Variants in RNF138 observed in about 807,000 individuals in gnomAD.
The protein encoded by RNF138 is ring finger protein 138, also known as E3 ubiquitin-protein ligase RNF138.
RNF138 carries 12 observed loss-of-function variants against 31.0 expected under a neutral mutation model. The observed-to-expected ratio is 0.39, with a 90% CI of 0.25 to 0.63. The LOEUF is 0.63. Ranked by LOEUF, RNF138 falls within the 20% of genes least tolerant of loss-of-function variation. The probability of loss-of-function intolerance (pLI) is 0.52; values close to 1 mark genes in which losing one functional copy is unlikely to be tolerated. For synonymous variants in RNF138, 105 were observed against 99.5 expected (o/e 1.06, Z -0.33); for missense variants, 192 against 300.1 (o/e 0.64, Z 2.66).
intron 2 of RNF138, among the ~76,000 whole-genome samples, chr18:32,101,965 C>CTT (rs2039948209): frequency 6.6e-6 from 1 of 152,016 alleles, no homozygotes. Context: ...CAGCCTCAAC[C>CTT]TCCTAGGCTT....
intron 3 of RNF138, 37 bp from the exon 4 acceptor site, chr18:32,113,708 T>C (rs1217029272): frequency 1.1e-6 from 1 of 946,676 alleles, no homozygotes; most frequent in East Asian, 2.8e-5. Context: ...TTACGAGTTC[T>C]ATTTTAAATT....
rs536348574 is a variant in RNF138, at chr18:32,104,267, C to T, written c.111-7487C>T. 1.7e-4 allele frequency among the ~76,000 whole-genome samples: 26 copies of T among 151,970 alleles called. No homozygotes were observed. In the South Asian group the frequency reaches 5.0e-3, roughly 29 times the overall value. On this transcript the variant is annotated intron_variant, in intron 2 of 7. Coordinates refer to ENST00000261593, the MANE Select transcript of RNF138 (RefSeq NM_016271.5). ...AGGTCAAATGATCCCCCCACTTCGGCGTCCCAAAGGGCTGAGATTACATGC... is the reference window on the plus strand; with the variant it reads ...AGGTCAAATGATCCCCCCACTTCGGTGTCCCAAAGGGCTGAGATTACATGC...
At chr18:32,109,924 A>G (rs1568232395) in intron 2 of RNF138, among the ~76,000 whole-genome samples, 1 of 152,134 alleles carries the variant, frequency 6.6e-6, no homozygotes, top group South Asian at 2.1e-4. Flanking sequence ...TTAGTTTGGC[A>G]AGTGAAAACT....
At chr18:32,126,611 C>A in intron 6 of RNF138, 82 bp from the exon 7 acceptor site, 2 of 819,936 alleles carry the variant, frequency 2.4e-6, no homozygotes. Context: ...GTAACATATC[C>A]CTGTGTTATT....
intron 3 of RNF138, 141 bp from the exon 4 acceptor site, chr18:32,113,604 G>T: frequency 2.0e-6 from 1 of 497,722 alleles, no homozygotes; most frequent in Non-Finnish European, 3.5e-6. Context: ...TCCTACTTAA[G>T]GATGAAATCA....
At chr18:32,100,468 CTTTTT>C (rs754111567) in intron 2 of RNF138, among the ~76,000 whole-genome samples, 8 of 69,872 alleles carry the variant, frequency 1.1e-4, no homozygotes, top group Admixed American at 1.1e-3. Flanking sequence ...ACCCAACTAA[CTTTTT>C]TTTTTTTTTT....
At chr18:32,121,362 G>T (rs1447799214) in intron 4 of RNF138, among the ~76,000 whole-genome samples, 3 of 151,918 alleles carry the variant, frequency 2.0e-5, no homozygotes, top group African/African-American at 7.3e-5. Context: ...GGGTGTGGTG[G>T]TACATGCCGG....
Position 32,131,400 on chromosome 18 carries a change from C to T in RNF138, c.*2213C>T, listed in dbSNP as rs1441833593. 1 of 151,980 alleles carries T rather than the reference C, an allele frequency of 6.6e-6. No individual in the cohort carries two copies. Among genetic ancestry groups the T allele is most frequent in the East Asian group, 1.9e-4 (1 of 5,188 alleles). The allele number at this position is 151,980 out of a possible 1,614,324, so 9.4% of individuals were successfully genotyped here. On this transcript the variant is annotated 3_prime_UTR_variant, in exon 8 of 8. Transcript: ENST00000261593. Reference sequence around the variant, plus strand: ...AGTTTATTTTTAATATTACTTATAGCTGAGTCAGAATTAAAGGAGGGAATT... The same window carrying T: ...AGTTTATTTTTAATATTACTTATAGTTGAGTCAGAATTAAAGGAGGGAATT...
At chr18:32,092,532 C>T (rs2039711675) in intron 1 of RNF138, 168 bp from the exon 2 acceptor site, 2 of 500,250 alleles carry the variant, frequency 4.0e-6, no homozygotes, top group African/African-American at 2.0e-5. Flanking sequence ...CAAGCACCGT[C>T]CCCCATCCAG....
In RNF138 at chr18:32,097,488, A is replaced by C. The variant is rs145126805; in HGVS notation, c.110+4602A>C. 3.5e-3 allele frequency among the ~76,000 whole-genome samples: 528 copies of C among 152,070 alleles called. 5 individuals are homozygous for C. Among genetic ancestry groups the C allele is most frequent in the African/African-American group, 0.012 (492 of 41,448 alleles). ...AATCCTTAATTTTAAAACAATTTTA[A>C]ATTAATTATTTATTTTTGAGACCGA... On this transcript the variant is annotated intron_variant, in intron 2 of 7. Transcript: ENST00000261593.
chr18:32,120,031 T>G lies in RNF138; in HGVS notation c.393-3487T>G, dbSNP rs79777666. ...ATGTTCTCCCATAGTTTTGTCTGCT[T>G]CTTTTAAACCTAATGTTCTATATAA... On this transcript the variant is annotated intron_variant, in intron 4 of 7. Coordinates refer to ENST00000261593, the MANE Select transcript of RNF138 (RefSeq NM_016271.5). Among the ~76,000 whole-genome samples, 32 of 152,292 alleles carry G rather than the reference T, an allele frequency of 2.1e-4. 1 individual carries two copies. The East Asian group carries it at 5.2e-3, about 25-fold the overall frequency.
chr18:32,126,743 C>T lies in RNF138; in HGVS notation c.612C>T (p.Thr204=). 3.1e-6 allele frequency: 5 copies of T among 1,607,830 alleles called. No individual in the cohort carries two copies. The highest frequency in any genetic ancestry group is 2.2e-5 in the South Asian group (2 of 90,686). ...CTTGGGGAGATCCTAGCCAGATTAC[C>T]AGAAATTTCGTTAGTCATCTAAATC... ...SLPWGDPSQI[T]RNFVSHLNQR... The change falls in exon 7 of 8, where the codon ACC becomes ACT. Residue 204 remains threonine (T), a synonymous_variant. Transcript: ENST00000261593.
At chr18:32,104,918 T>G (rs2040004068) in intron 2 of RNF138, among the ~76,000 whole-genome samples, 1 of 152,074 alleles carries the variant, frequency 6.6e-6, no homozygotes, top group South Asian at 2.1e-4. Context: ...CTAATGATTA[T>G]GAATAACTAA....
At chr18:32,102,476 C>T (rs1444205398) in intron 2 of RNF138, among the ~76,000 whole-genome samples, 1 of 151,976 alleles carries the variant, frequency 6.6e-6, no homozygotes, top group Non-Finnish European at 1.5e-5. Flanking sequence ...ACTGGGATTA[C>T]AGGCGTGAGC....
intron 4 of RNF138, 101 bp downstream of exon 4, chr18:32,113,961 A>T (rs568595277): frequency 2.4e-5 from 14 of 586,860 alleles, no homozygotes; most frequent in South Asian, 1.6e-4. Context: ...GTGTGTGTGT[A>T]TGTGCACATG....
At chr18:32,105,856 T>G (rs1250319494) in intron 2 of RNF138, among the ~76,000 whole-genome samples, 1 of 152,220 alleles carries the variant, frequency 6.6e-6, no homozygotes, top group Non-Finnish European at 1.5e-5. Flanking sequence ...GCTTTCTATG[T>G]GACTTTTTTC....
chr18:32,111,965 C>T (rs1281432854), intron 3 of RNF138, 46 bp downstream of exon 3: 3 of 1,419,806 alleles, frequency 2.1e-6, no homozygotes, highest in Non-Finnish European at 2.8e-6. Context: ...CAAGTTTCTA[C>T]TCTGAAATTC....
intron 2 of RNF138, among the ~76,000 whole-genome samples, chr18:32,097,003 AT>A (rs1447224798): frequency 6.6e-6 from 1 of 152,230 alleles, no homozygotes; most frequent in Non-Finnish European, 1.5e-5. Context: ...AAGTGCTGGG[AT>A]TACAGGCAAG....
intron 2 of RNF138, 74 bp from the exon 3 acceptor site, chr18:32,111,680 C>G: frequency 8.5e-7 from 1 of 1,171,658 alleles, no homozygotes; most frequent in Non-Finnish European, 1.2e-6. Flanking sequence ...TTTATAATCA[C>G]TTGTTTGTAT....
Sources: allele counts gnomAD v4.1 joint callset (sites outside exome capture counted in the v4.1 genomes callset), GRCh38; gene constraint gnomAD v4.1.1; transcripts MANE v1.5; gene names NCBI Gene and HGNC (gene_info 2026-07-23, HGNC 2026-07-21).